Variants in PPP1R9A observed in about 807,000 individuals in gnomAD.
PPP1R9A encodes the protein protein phosphatase 1 regulatory subunit 9A.
PPP1R9A carries 59 observed loss-of-function variants against 141.9 expected under a neutral mutation model. The observed-to-expected ratio is 0.42, with a 90% CI of 0.34 to 0.52. PPP1R9A has a LOEUF of 0.52. PPP1R9A is among the 20% of genes least tolerant of loss of function. The pLI is 0.10. For synonymous variants in PPP1R9A, 500 were observed against 569.7 expected, an observed-to-expected ratio of 0.88 and a Z score of 1.74; for missense variants, 1,444 against 1,611.9, an observed-to-expected ratio of 0.90 and a Z score of 1.78.
At chr7:95,082,185 G>A (rs1305062015) in intron 2 of PPP1R9A, among the ~76,000 whole-genome samples, 1 of 152,158 alleles carries the variant, frequency 6.6e-6, no homozygotes, top group East Asian at 1.9e-4. Flanking sequence ...TGTCTTACTA[G>A]TAGATAGCAG....
intron 2 of PPP1R9A, among the ~76,000 whole-genome samples, chr7:94,956,084 A>AT (rs1298446649): frequency 6.6e-6 from 1 of 151,854 alleles, no homozygotes; most frequent in African/African-American, 2.4e-5. Context: ...GCTTGGTTGG[A>AT]TTTTTTTCAT....
At chr7:95,165,881 C>T (rs1370199169) in intron 5 of PPP1R9A, among the ~76,000 whole-genome samples, 1 of 152,114 alleles carries the variant, frequency 6.6e-6, no homozygotes. Flanking sequence ...GGCGCAGTGG[C>T]TCATGCCTGG....
At chr7:94,993,017 T>C (rs1204941949) in intron 2 of PPP1R9A, among the ~76,000 whole-genome samples, 1 of 151,992 alleles carries the variant, frequency 6.6e-6, no homozygotes, top group Non-Finnish European at 1.5e-5. Context: ...GTTTTAGTTT[T>C]ACTTTTAAGT....
chr7:95,201,275 T>C (rs1287959913), intron 6 of PPP1R9A, among the ~76,000 whole-genome samples: 2 of 152,178 alleles, frequency 1.3e-5, no homozygotes, highest in African/African-American at 4.8e-5. Flanking sequence ...AACGAGGTGC[T>C]TGCTATGTTA....
chr7:95,000,108 A>G (rs1331352231), intron 2 of PPP1R9A, among the ~76,000 whole-genome samples: 1 of 152,120 alleles, frequency 6.6e-6, no homozygotes, highest in East Asian at 1.9e-4. Context: ...CAGCCAAGAT[A>G]CCTTATTTAA....
rs1348005800 is a variant in PPP1R9A, at chr7:95,295,937, C to A, written c.*5634C>A. ...GGTGTTGCAACCACTTGTACACCTG[C>A]TACACCTTACTGACAAAACTGGGCA... On this transcript the variant is annotated 3_prime_UTR_variant, in exon 20 of 20. Transcript: ENST00000433360. 1 of 152,574 alleles carries A rather than the reference C, an allele frequency of 6.6e-6. No individual in the cohort carries two copies. Among genetic ancestry groups the A allele is most frequent in the African/African-American group, 2.4e-5 (1 of 41,414 alleles). The allele number at this position is 152,574 out of a possible 1,614,324, so 9.5% of individuals were successfully genotyped here.
At chr7:95,147,978 A>AT (rs1169805881) in intron 4 of PPP1R9A, among the ~76,000 whole-genome samples, 1 of 151,992 alleles carries the variant, frequency 6.6e-6, no homozygotes, top group Admixed American at 6.6e-5. Context: ...GTGAAGAGTC[A>AT]TTTTTTAGAA....
intron 2 of PPP1R9A, among the ~76,000 whole-genome samples, chr7:95,058,822 C>G (rs2152059033): frequency 6.6e-6 from 1 of 151,874 alleles, no homozygotes; most frequent in South Asian, 2.1e-4. Flanking sequence ...TGAAGTCTCG[C>G]TCTGTTACCC....
chr7:95,163,796 G>A (rs1013528204), intron 5 of PPP1R9A, among the ~76,000 whole-genome samples: 2 of 152,110 alleles, frequency 1.3e-5, no homozygotes, highest in Non-Finnish European at 2.9e-5. Context: ...CTGGAGTGCA[G>A]TGGCGCAGTC....
intron 4 of PPP1R9A, among the ~76,000 whole-genome samples, chr7:95,136,700 T>C (rs962251382): frequency 1.3e-5 from 2 of 152,204 alleles, no homozygotes; most frequent in Non-Finnish European, 2.9e-5. Context: ...TTTCCTAATA[T>C]TTGACATCCT....
chr7:95,204,540 G>A (rs943213047), intron 7 of PPP1R9A, among the ~76,000 whole-genome samples: 2 of 151,908 alleles, frequency 1.3e-5, no homozygotes, highest in East Asian at 1.9e-4. Flanking sequence ...AAAACATTCC[G>A]TTTAAGACCC....
chr7:95,097,652 T>G (rs544623596), intron 2 of PPP1R9A, among the ~76,000 whole-genome samples: 34 of 152,384 alleles, frequency 2.2e-4, no homozygotes, highest in African/African-American at 7.9e-4. Context: ...CTACTTATAA[T>G]GAATGCTGAT....
intron 5 of PPP1R9A, among the ~76,000 whole-genome samples, chr7:95,180,498 A>C (rs975904142): frequency 6.6e-6 from 1 of 152,200 alleles, no homozygotes; most frequent in Non-Finnish European, 1.5e-5. Context: ...ACCCAAAAGC[A>C]AATGCAATAA....
At chr7:95,077,736 A>G (rs1449169002) in intron 2 of PPP1R9A, among the ~76,000 whole-genome samples, 3 of 152,186 alleles carry the variant, frequency 2.0e-5, no homozygotes, top group Non-Finnish European at 4.4e-5. Context: ...GATTTAAATA[A>G]CATCTTCAGC....
At chr7:95,025,664 T>C (rs956882819) in intron 2 of PPP1R9A, among the ~76,000 whole-genome samples, 1 of 151,838 alleles carries the variant, frequency 6.6e-6, no homozygotes, top group Non-Finnish European at 1.5e-5. Context: ...TCCTGAAGAG[T>C]GTTTTCCGAC....
At chr7:95,000,504 C>G (rs1802774945) in intron 2 of PPP1R9A, among the ~76,000 whole-genome samples, 1 of 151,910 alleles carries the variant, frequency 6.6e-6, no homozygotes, top group Admixed American at 6.6e-5. Flanking sequence ...TTTTCATGTA[C>G]TCTTACTATA....
chr7:95,027,446 G>C (rs965220695), intron 2 of PPP1R9A, among the ~76,000 whole-genome samples: 5 of 152,164 alleles, frequency 3.3e-5, no homozygotes, highest in African/African-American at 4.8e-5. Flanking sequence ...GAGATGAGCT[G>C]TGTACCTCGG....
intron 2 of PPP1R9A, among the ~76,000 whole-genome samples, chr7:94,921,463 A>G (rs191273076): frequency 5.4e-5 from 8 of 149,340 alleles, no homozygotes; most frequent in African/African-American, 1.5e-4. Context: ...AAAAAAAAAG[A>G]TCTGTTTTTG....
At chr7:95,208,704 A>G (rs954487105) in intron 7 of PPP1R9A, among the ~76,000 whole-genome samples, 3 of 151,702 alleles carry the variant, frequency 2.0e-5, no homozygotes, top group African/African-American at 7.3e-5. Context: ...ATCCTGGGCC[A>G]CAGAGCGAGA....
Sources: gnomAD v4.1 joint callset for allele counts (sites outside exome capture counted in the v4.1 genomes callset) on GRCh38, gnomAD v4.1.1 for gene constraint, MANE v1.5 for transcripts, NCBI Gene and HGNC (gene_info 2026-07-23, HGNC 2026-07-21) for gene names.